The following ATP6V0D1 variants were observed in gnomAD, a reference collection of about 807,000 sequenced individuals.
The protein encoded by ATP6V0D1 is V-type proton ATPase subunit d 1.
ATP6V0D1 carries 13 observed loss-of-function variants against 39.0 expected under a neutral mutation model. The ratio of observed to expected loss-of-function variants is 0.33; its 90% CI spans 0.22 to 0.53. The LOEUF (loss-of-function observed/expected upper bound fraction) is 0.53, where lower values mean the gene tolerates loss of function less well. Among genes scored for constraint, ATP6V0D1 ranks in the 20% least tolerant of loss-of-function variants. ATP6V0D1 has a pLI of 0.94. For synonymous variants in ATP6V0D1, 191 were observed against 191.2 expected (o/e 1.00, Z 0.01); for missense variants, 272 against 470.9 (o/e 0.58, Z 3.91).
At chr16:67,466,625 A>C (rs1001672378) in intron 1 of ATP6V0D1, among the ~76,000 whole-genome samples, 2 of 152,104 alleles carry the variant, frequency 1.3e-5, no homozygotes, top group African/African-American at 4.8e-5. Context: ...ACTTGAGCCC[A>C]GAAGTTTTGA....
At chr16:67,457,514 G>A in intron 1 of ATP6V0D1, 1 of 1,227,132 alleles carries the variant, frequency 8.1e-7, no homozygotes, top group Non-Finnish European at 1.1e-6. Flanking sequence ...GAGAAGCCAG[G>A]GCATGCCTTC....
chr16:67,476,049 G>A (rs1385265761), intron 1 of ATP6V0D1, among the ~76,000 whole-genome samples: 1 of 152,138 alleles, frequency 6.6e-6, no homozygotes, highest in African/African-American at 2.4e-5. Context: ...GGCTAACATG[G>A]TGTAACCCCA....
intron 1 of ATP6V0D1, among the ~76,000 whole-genome samples, chr16:67,475,377 T>C (rs746539688): frequency 1.3e-5 from 2 of 152,230 alleles, no homozygotes; most frequent in Non-Finnish European, 2.9e-5. Flanking sequence ...TGAAATAATG[T>C]TGAAAGGCAC....
intron 2 of ATP6V0D1, among the ~76,000 whole-genome samples, chr16:67,446,806 C>T (rs1342031570): frequency 1.3e-5 from 2 of 152,180 alleles, no homozygotes; most frequent in East Asian, 1.9e-4. Context: ...CTCTCCCTCC[C>T]TTTCGGACGG....
Position 67,438,308 on chromosome 16 carries a change from C to T in ATP6V0D1, c.*220G>A. On this transcript the variant is annotated 3_prime_UTR_variant, in exon 8 of 8. Transcript: ENST00000290949. Reference sequence around the variant, plus strand: ...TCCTTGCTCTGGAGGGGGTCTTCGTCCATCCTTGGTGGGGGGGGGTGCCCA... The same window carrying T: ...TCCTTGCTCTGGAGGGGGTCTTCGTTCATCCTTGGTGGGGGGGGGTGCCCA... 3.3e-6 allele frequency: 2 copies of T among 601,368 alleles called. No homozygotes were observed. The highest frequency in any genetic ancestry group is 5.8e-6 in the Non-Finnish European group (2 of 345,338). 37.3% of individuals were successfully genotyped at this position (601,368 alleles called of 1,614,324 possible).
Position 67,444,889 on chromosome 16 carries a change from C to T in ATP6V0D1, c.303-183G>A, listed in dbSNP as rs1179195590. 6.6e-6 allele frequency among the ~76,000 whole-genome samples: 1 copy of T among 152,152 alleles called. No homozygotes were observed. The highest frequency in any genetic ancestry group is 1.5e-5 in the Non-Finnish European group (1 of 68,008). On this transcript the variant is annotated intron_variant, in intron 2 of 7. Transcript: ENST00000290949. This position sits in a 1 kb window ranked among gnomAD's most constrained non-coding sequence, Gnocchi z 4.8. ...CCCCATGTTCCTCTCAAGCTTCTGA[C>T]CACCCCCACTGCCAGAGGCCTAGGA...
chr16:67,463,163 G>A lies in ATP6V0D1; in HGVS notation c.131-9448C>T, dbSNP rs180868370. On this transcript the variant is annotated intron_variant, in intron 1 of 7. Transcript: ENST00000290949. ...TGACCTAGGCCCTGTGTTTGGGCTC[G>A]TGGGATCAAACCTCATCTGGGGCTG... 1.1e-4 allele frequency among the ~76,000 whole-genome samples: 16 copies of A among 152,324 alleles called. No individual in the cohort carries two copies. The East Asian group carries it at 2.3e-3, about 22-fold the overall frequency.
rs1435472386 is a variant in ATP6V0D1 at position 67,447,236 on chromosome 16, G to A, written c.303-2530C>T. Among the ~76,000 whole-genome samples, 1 of 152,258 alleles carries A rather than the reference G, an allele frequency of 6.6e-6. No homozygotes were observed. The highest frequency in any genetic ancestry group is 2.4e-5 in the African/African-American group (1 of 41,466). Reference sequence around the variant, plus strand: ...CCAATCGTGGGCGATCCTGTGCCAGGCCCAGCACTTCCCTTGCCGGGCTGG... The same window carrying A: ...CCAATCGTGGGCGATCCTGTGCCAGACCCAGCACTTCCCTTGCCGGGCTGG... On this transcript the variant is annotated intron_variant, in intron 2 of 7. Transcript: ENST00000290949. This position sits in a 1 kb window ranked among gnomAD's most constrained non-coding sequence, Gnocchi z 4.1.
chr16:67,476,419 GT>G (rs2041415390), intron 1 of ATP6V0D1, among the ~76,000 whole-genome samples: 1 of 152,156 alleles, frequency 6.6e-6, no homozygotes, highest in African/African-American at 2.4e-5. Flanking sequence ...ACAAATCTTG[GT>G]TGGTTTAGTC....
intron 1 of ATP6V0D1, among the ~76,000 whole-genome samples, chr16:67,476,655 C>T (rs114322795): frequency 0.085 from 12,899 of 152,128 alleles, 886 homozygotes; most frequent in African/African-American, 0.19. Flanking sequence ...TTGCAACCCC[C>T]GATGAAACGA....
chr16:67,477,843 T>G (rs2041428997), intron 1 of ATP6V0D1, among the ~76,000 whole-genome samples: 1 of 152,082 alleles, frequency 6.6e-6, no homozygotes, highest in African/African-American at 2.4e-5. Context: ...AGGCTAATTT[T>G]TTTGTATTTT....
At chr16:67,446,548 G>A (rs2041117755) in intron 2 of ATP6V0D1, among the ~76,000 whole-genome samples, 1 of 152,160 alleles carries the variant, frequency 6.6e-6, no homozygotes, top group Non-Finnish European at 1.5e-5. Flanking sequence ...GGCAGAGTGA[G>A]GGACCTCAGA....
At chr16:67,449,523 C>CA (rs2041153884) in intron 2 of ATP6V0D1, among the ~76,000 whole-genome samples, 1 of 152,254 alleles carries the variant, frequency 6.6e-6, no homozygotes, top group Non-Finnish European at 1.5e-5. Context: ...CAGATCCTCT[C>CA]AAGAGCACAT....
At chr16:67,468,568 A>G (rs958227978) in intron 1 of ATP6V0D1, among the ~76,000 whole-genome samples, 8 of 151,728 alleles carry the variant, frequency 5.3e-5, no homozygotes, top group African/African-American at 1.9e-4. Context: ...AGCCTGGGCA[A>G]CAGAGCAAGA....
chr16:67,445,601 G>T (rs1271315446), intron 2 of ATP6V0D1, among the ~76,000 whole-genome samples: 2 of 152,244 alleles, frequency 1.3e-5, no homozygotes, highest in African/African-American at 2.4e-5. Context: ...AAGACCCAGA[G>T]ACCTGAACAG....
chr16:67,455,380 G>A (rs2041227856), intron 1 of ATP6V0D1: 1 of 152,186 alleles, frequency 6.6e-6, no homozygotes, highest in African/African-American at 2.4e-5. Context: ...CGAGCTAAAG[G>A]AGAGATGGAA....
At chr16:67,462,388 G>A (rs1395584189) in intron 1 of ATP6V0D1, among the ~76,000 whole-genome samples, 2 of 152,246 alleles carry the variant, frequency 1.3e-5, no homozygotes, top group Non-Finnish European at 1.5e-5. Context: ...GGTTGGGGTG[G>A]ATCTGGAACT....
chr16:67,457,473 G>T, intron 1 of ATP6V0D1: 2 of 864,704 alleles, frequency 2.3e-6, no homozygotes, highest in Non-Finnish European at 3.3e-6. Context: ...TTCAGTCCCA[G>T]ATGAGCTGGC....
chr16:67,473,512 C>A (rs1481394559), intron 1 of ATP6V0D1, among the ~76,000 whole-genome samples: 3 of 151,994 alleles, frequency 2.0e-5, no homozygotes, highest in Non-Finnish European at 4.4e-5. Context: ...CTACGCCCAA[C>A]TAATTTTTTG....
Sources: gnomAD v4.1 joint callset for allele counts (sites outside exome capture counted in the v4.1 genomes callset) on GRCh38, gnomAD v4.1.1 for gene constraint, Gnocchi (gnomAD v3.1) non-coding constraint, MANE v1.5 for transcripts, NCBI Gene and HGNC (gene_info 2026-07-23, HGNC 2026-07-21) for gene names.